ASIC2: variants seen among roughly 807,000 people sequenced by gnomAD.
ASIC2 encodes acid sensing ion channel subunit 2.
In ASIC2, 25 loss-of-function variants were observed where a neutral mutation model predicts 57.3. That is an observed-to-expected ratio of 0.44 (90% confidence interval 0.32 to 0.61). The LOEUF (loss-of-function observed/expected upper bound fraction) is 0.61. Among genes scored for constraint, ASIC2 ranks in the 20% least tolerant of loss-of-function variants. The pLI, the probability that ASIC2 is intolerant of heterozygous loss-of-function variation, is 0.06. For missense variants in ASIC2, 641 were observed against 738.1 expected, an observed-to-expected ratio of 0.87 and a Z score of 1.52; for synonymous variants, 319 against 307.5, an observed-to-expected ratio of 1.04 and a Z score of -0.39.
intron 1 of ASIC2, among the ~76,000 whole-genome samples, chr17:33,309,440 T>A (rs1177010801): frequency 6.6e-6 from 1 of 152,210 alleles, no homozygotes; most frequent in African/African-American, 2.4e-5. Flanking sequence ...GGGAGGTTCC[T>A]ACAAAACTGA....
At chr17:33,880,456 C>T (rs1211417700) in intron 1 of ASIC2, among the ~76,000 whole-genome samples, 2 of 152,194 alleles carry the variant, frequency 1.3e-5, no homozygotes, top group South Asian at 4.2e-4. Flanking sequence ...ATATAAACTA[C>T]CATCAGAGAA....
intron 1 of ASIC2, among the ~76,000 whole-genome samples, chr17:33,349,719 A>G (rs958350493): frequency 1.3e-5 from 2 of 152,252 alleles, no homozygotes; most frequent in African/African-American, 4.8e-5. Flanking sequence ...TGATTTTTCT[A>G]GCAGGAAATA....
In ASIC2 at chr17:33,491,404, G is replaced by A. The variant is rs560425352; in HGVS notation, c.556-379337C>T. On this transcript the variant is annotated intron_variant, in intron 1 of 9. Transcript: ENST00000359872. ...TTGTCCCTGTCTGCAATTCATTTCC[G>A]CATTTCCTACAGTTTCTGGCTCCTC... 4.6e-5 allele frequency among the ~76,000 whole-genome samples: 7 copies of A among 152,226 alleles called. No individual in the cohort carries two copies. In the East Asian group the frequency reaches 5.8e-4, roughly 13 times the overall value.
intron 1 of ASIC2, among the ~76,000 whole-genome samples, chr17:33,618,669 C>T (rs1019807200): frequency 7.2e-5 from 11 of 152,174 alleles, no homozygotes; most frequent in African/African-American, 1.7e-4. Flanking sequence ...TCATGGGTCA[C>T]GTTGGCTCTG....
At chr17:33,903,331 C>T (rs1915270800) in intron 1 of ASIC2, among the ~76,000 whole-genome samples, 2 of 152,182 alleles carry the variant, frequency 1.3e-5, no homozygotes, top group Non-Finnish European at 2.9e-5. Context: ...ACTAATCTGT[C>T]CCTCTGCTTA....
intron 1 of ASIC2, among the ~76,000 whole-genome samples, chr17:33,845,863 A>C (rs35716188): frequency 0.025 from 3,843 of 152,292 alleles, 179 homozygotes; most frequent in African/African-American, 0.088. Context: ...ATGAGGCCAC[A>C]TTATTTCAGA....
At chr17:33,079,643 G>T (rs1598266000) in intron 3 of ASIC2, among the ~76,000 whole-genome samples, 1 of 152,172 alleles carries the variant, frequency 6.6e-6, no homozygotes, top group East Asian at 1.9e-4. Context: ...GGGGAGGCCA[G>T]TGAGGCAGTT....
At chr17:33,350,495 C>A (rs969461318) in intron 1 of ASIC2, among the ~76,000 whole-genome samples, 1 of 152,068 alleles carries the variant, frequency 6.6e-6, no homozygotes, top group African/African-American at 2.4e-5. Flanking sequence ...GCCTGGCCAA[C>A]AGGACGAAAC....
At chr17:33,383,063 A>C (rs550370883) in intron 1 of ASIC2, among the ~76,000 whole-genome samples, 4 of 132,808 alleles carry the variant, frequency 3.0e-5, no homozygotes, top group Non-Finnish European at 4.9e-5. Flanking sequence ...ACCACACACA[A>C]AAAAACAAAC....
chr17:33,285,572 CA>C (rs1218632265), intron 1 of ASIC2, among the ~76,000 whole-genome samples: 3 of 152,226 alleles, frequency 2.0e-5, no homozygotes, highest in African/African-American at 7.2e-5. Context: ...ATCCTGAAAC[CA>C]AAGTCACTCA....
At chr17:33,725,062 C>T (rs139436560) in intron 1 of ASIC2, among the ~76,000 whole-genome samples, 1,658 of 152,310 alleles carry the variant, frequency 0.011, 13 homozygotes, top group Middle Eastern at 0.017. Context: ...TCTGGATCCT[C>T]GCTCTGCCCT....
intron 1 of ASIC2, among the ~76,000 whole-genome samples, chr17:33,374,202 G>GC (rs1909192109): frequency 6.6e-6 from 1 of 152,032 alleles, no homozygotes; most frequent in African/African-American, 2.4e-5. Flanking sequence ...CACCATGTTA[G>GC]CCAGGCTGGT....
chr17:33,218,421 T>G (rs78567991), intron 1 of ASIC2, among the ~76,000 whole-genome samples: 3,487 of 152,344 alleles, frequency 0.023, 90 homozygotes, highest in East Asian at 0.14. Context: ...TCGAGCCCAG[T>G]GCCCGGCACA....
intron 1 of ASIC2, among the ~76,000 whole-genome samples, chr17:33,715,828 A>G (rs916514639): frequency 1.3e-5 from 2 of 152,108 alleles, no homozygotes; most frequent in African/African-American, 4.8e-5. Context: ...CAGTGTCAGG[A>G]GAAGAGCCAA....
intron 1 of ASIC2, among the ~76,000 whole-genome samples, chr17:33,505,978 G>T (rs2141945151): frequency 1.3e-5 from 2 of 152,292 alleles, no homozygotes; most frequent in East Asian, 3.9e-4. Flanking sequence ...AAAAATCTCT[G>T]CATATAATAT....
intron 1 of ASIC2, among the ~76,000 whole-genome samples, chr17:33,530,674 G>A (rs1420435654): frequency 6.6e-6 from 1 of 152,214 alleles, no homozygotes; most frequent in Non-Finnish European, 1.5e-5. Flanking sequence ...AGAGGTGGTT[G>A]GAACCTAAAA....
chr17:33,266,676 G>C (rs961055229), intron 1 of ASIC2, among the ~76,000 whole-genome samples: 6 of 151,828 alleles, frequency 4.0e-5, no homozygotes, highest in Non-Finnish European at 8.8e-5. Flanking sequence ...CCGACGTTTG[G>C]AACCAGACAC....
chr17:33,428,312 G>C (rs927322647), intron 1 of ASIC2, among the ~76,000 whole-genome samples: 1 of 152,194 alleles, frequency 6.6e-6, no homozygotes, highest in African/African-American at 2.4e-5. Context: ...GTGAAGTCTA[G>C]GCGTTGGTAT....
At chr17:33,452,147 G>T (rs895173406) in intron 1 of ASIC2, among the ~76,000 whole-genome samples, 1 of 152,254 alleles carries the variant, frequency 6.6e-6, no homozygotes, top group Non-Finnish European at 1.5e-5. Flanking sequence ...CCTAAGGTGA[G>T]TATCTGCCTG....
Sources: gnomAD v4.1 joint callset for allele counts (sites outside exome capture counted in the v4.1 genomes callset) on GRCh38, gnomAD v4.1.1 for gene constraint, MANE v1.5 for transcripts, NCBI Gene and HGNC (gene_info 2026-07-23, HGNC 2026-07-21) for gene names.